The following VTI1A variants were observed in gnomAD, a reference collection of about 807,000 sequenced individuals.
VTI1A encodes vesicle transport through interaction with t-SNAREs 1A, also known as vesicle transport through interaction with t-SNAREs homolog 1A.
A neutral mutation model predicts 34.9 loss-of-function variants in VTI1A; 22 were observed. The observed-to-expected ratio is 0.63, with a 90% CI of 0.45 to 0.90. The LOEUF (loss-of-function observed/expected upper bound fraction) is 0.90, where lower values mean the gene tolerates loss of function less well. Ranked by LOEUF, VTI1A falls within the 40% of genes least tolerant of loss-of-function variation. VTI1A has a pLI of 0.00. For synonymous variants in VTI1A, 87 were observed against 97.3 expected (o/e 0.89, Z 0.62); for missense variants, 268 against 275.6 (o/e 0.97, Z 0.20).
In VTI1A at chr10:112,523,592, C is replaced by CG. The variant is rs756722323; in HGVS notation, c.265-3489dup. On this transcript the variant is annotated intron_variant, in intron 3 of 7. Coordinates refer to ENST00000393077, the MANE Select transcript of VTI1A (RefSeq NM_145206.4). ...GTGTATGTTGTGTGTGTGTGGGTGG[C>CG]GGGGGGAGGCAAGTATTGTCAGCTG... Among the ~76,000 whole-genome samples, 522 of 151,860 alleles carry CG rather than the reference C, an allele frequency of 3.4e-3. 2 individuals are homozygous for CG. The highest frequency in any genetic ancestry group is 0.017 in the Middle Eastern group (5 of 292).
chr10:112,545,385 T>A (rs1851038979), intron 5 of VTI1A, among the ~76,000 whole-genome samples: 1 of 152,224 alleles, frequency 6.6e-6, no homozygotes, highest in South Asian at 2.1e-4. Context: ...TGATAATATT[T>A]TACATGAAGA....
intron 7 of VTI1A, among the ~76,000 whole-genome samples, chr10:112,754,338 C>T (rs1851207230): frequency 6.6e-6 from 1 of 152,202 alleles, no homozygotes; most frequent in South Asian, 2.1e-4. Context: ...ACTCCCTCTA[C>T]CATGACTGAC....
chr10:112,647,476 G>A (rs111574997), intron 5 of VTI1A, among the ~76,000 whole-genome samples: 1 of 152,142 alleles, frequency 6.6e-6, no homozygotes, highest in Non-Finnish European at 1.5e-5. Flanking sequence ...TTCTCAAGAT[G>A]TATCCACATT....
In VTI1A at chr10:112,695,565, C is replaced by T. The variant is rs141377827; in HGVS notation, c.560+26567C>T. ...TGTTCTCTAGCTTACTTTAAATACA[C>T]ATATTTGCTTTTGCAAATATGGCGC... On this transcript the variant is annotated intron_variant, in intron 7 of 7. Transcript: ENST00000393077. Among the ~76,000 whole-genome samples the T allele has an allele frequency of 1.2e-3, 183 of 152,334 alleles. 1 individual carries two copies. The highest frequency in any genetic ancestry group is 4.3e-3 in the African/African-American group (177 of 41,572).
intron 3 of VTI1A, among the ~76,000 whole-genome samples, chr10:112,521,469 G>C (rs1415580945): frequency 2.0e-5 from 3 of 152,010 alleles, no homozygotes; most frequent in Non-Finnish European, 4.4e-5. Flanking sequence ...CAATTTAGTT[G>C]AACATGCTCT....
At chr10:112,586,449 A>G (rs942695912) in intron 5 of VTI1A, among the ~76,000 whole-genome samples, 4 of 152,206 alleles carry the variant, frequency 2.6e-5, no homozygotes, top group African/African-American at 9.6e-5. Context: ...TTACAGGTGC[A>G]AAAGAGAACC....
intron 7 of VTI1A, among the ~76,000 whole-genome samples, chr10:112,808,048 T>C (rs1853149397): frequency 6.6e-6 from 1 of 151,060 alleles, no homozygotes; most frequent in Non-Finnish European, 1.5e-5. Context: ...TGAGACCCTG[T>C]CTTTACAAAA....
At chr10:112,695,429 ATTGATTTTGC>A (rs1396673842) in intron 7 of VTI1A, among the ~76,000 whole-genome samples, 9 of 152,060 alleles carry the variant, frequency 5.9e-5, no homozygotes, top group Admixed American at 1.3e-4. Context: ...GTTTATTTGC[ATTGATTTTGC>A]TTTTTCCCAT....
chr10:112,792,116 G>A (rs138917706), intron 7 of VTI1A, among the ~76,000 whole-genome samples: 72 of 152,078 alleles, frequency 4.7e-4, no homozygotes, highest in African/African-American at 1.5e-3. Context: ...TCTACTAAAC[G>A]TAGAAAAAAT....
intron 5 of VTI1A, among the ~76,000 whole-genome samples, chr10:112,561,084 T>A (rs1281428105): frequency 2.0e-5 from 3 of 152,098 alleles, no homozygotes; most frequent in Admixed American, 6.5e-5. Flanking sequence ...AATATTTTTT[T>A]AAAAAAAGAA....
At chr10:112,570,786 T>A (rs1852088479) in intron 5 of VTI1A, among the ~76,000 whole-genome samples, 1 of 152,364 alleles carries the variant, frequency 6.6e-6, no homozygotes, top group East Asian at 1.9e-4. Context: ...CTCTCAGCAT[T>A]TTCCCACGTT....
At chr10:112,801,042 G>A (rs1373327143) in intron 7 of VTI1A, among the ~76,000 whole-genome samples, 1 of 152,156 alleles carries the variant, frequency 6.6e-6, no homozygotes, top group Non-Finnish European at 1.5e-5. Context: ...AAAAGGATGA[G>A]GGACCTTCAG....
intron 5 of VTI1A, among the ~76,000 whole-genome samples, chr10:112,661,993 A>C (rs933018430): frequency 6.6e-6 from 1 of 152,034 alleles, no homozygotes; most frequent in African/African-American, 2.4e-5. Context: ...GCTGGTCTTG[A>C]ACTCCTGACC....
intron 5 of VTI1A, among the ~76,000 whole-genome samples, chr10:112,615,624 T>C (rs1043432510): frequency 5.3e-5 from 8 of 152,170 alleles, no homozygotes; most frequent in African/African-American, 1.7e-4. Flanking sequence ...TTAATTGGAT[T>C]GATGGAAAGT....
intron 3 of VTI1A, among the ~76,000 whole-genome samples, chr10:112,513,051 T>C (rs756777481): frequency 2.6e-5 from 4 of 151,680 alleles, no homozygotes; most frequent in African/African-American, 4.8e-5. Context: ...AATTTTAAGA[T>C]TTTTTTTTAA....
chr10:112,671,893 T>G (rs944937453), intron 7 of VTI1A: 2 of 152,226 alleles, frequency 1.3e-5, no homozygotes, highest in African/African-American at 2.4e-5. Flanking sequence ...TTTCTTCTGC[T>G]TATTCATTTC....
intron 5 of VTI1A, among the ~76,000 whole-genome samples, chr10:112,555,921 C>A (rs759110848): frequency 6.6e-6 from 1 of 151,918 alleles, no homozygotes; most frequent in Non-Finnish European, 1.5e-5. Context: ...TCATACTATA[C>A]AGAAAAGTGA....
At chr10:112,593,771 C>G (rs977114521) in intron 5 of VTI1A, among the ~76,000 whole-genome samples, 1 of 152,142 alleles carries the variant, frequency 6.6e-6, no homozygotes, top group African/African-American at 2.4e-5. Flanking sequence ...GAGTCTTGCT[C>G]TGTCACTCAG....
chr10:112,770,523 G>C (rs1269562070), intron 7 of VTI1A, among the ~76,000 whole-genome samples: 1 of 151,306 alleles, frequency 6.6e-6, no homozygotes, highest in Non-Finnish European at 1.5e-5. Flanking sequence ...AGCCTCCTGA[G>C]TAGCTGGGAC....
Sources: gnomAD v4.1 joint callset for allele counts (sites outside exome capture counted in the v4.1 genomes callset) on GRCh38, gnomAD v4.1.1 for gene constraint, MANE v1.5 for transcripts, NCBI Gene and HGNC (gene_info 2026-07-23, HGNC 2026-07-21) for gene names.